Variants in SAR1B observed in about 807,000 individuals in gnomAD.
SAR1B encodes secretion associated Ras related GTPase 1B.
SAR1B carries 23 observed loss-of-function variants against 26.8 expected under a neutral mutation model. The observed-to-expected ratio is 0.86, with a 90% CI of 0.62 to 1.22. The LOEUF (loss-of-function observed/expected upper bound fraction) is 1.22, where lower values mean the gene tolerates loss of function less well. Ranked by LOEUF, SAR1B falls within the 50% of genes most tolerant of loss-of-function variation. The probability of loss-of-function intolerance (pLI) is 0.00; values close to 1 mark genes in which losing one functional copy is unlikely to be tolerated. For missense variants in SAR1B, 196 were observed against 232.8 expected (o/e 0.84, Z 1.03); for synonymous variants, 65 against 80.8 (o/e 0.80, Z 1.05).
rs984158457 is a variant in SAR1B, at chr5:134,609,642, T to C, written c.277A>G (p.Ile93Val). Residue 93 changes from isoleucine (I) to valine (V), a missense_variant, in exon 5 of 7, where the codon ATC becomes GTC. Physicochemically the swap from Ile to Val is conservative, Grantham distance 29. Transcript: ENST00000402673. ...TCCACCAGAAATACAATGCCATTGATAGCAGGAAGGTAGTTTTTCCACACT... is the reference window on the plus strand; with the variant it reads ...TCCACCAGAAATACAATGCCATTGACAGCAGGAAGGTAGTTTTTCCACACT... ...RRVWKNYLPA[I>V]NGIVFLVDCA... The C allele has an allele frequency of 6.8e-6, 11 of 1,614,044 alleles. No individual in the cohort carries two copies. Among genetic ancestry groups the C allele is most frequent in the African/African-American group, 1.3e-5 (1 of 74,942 alleles).
chr5:134,606,306 A>G lies in SAR1B; in HGVS notation c.*644T>C, dbSNP rs552283731. ...CCTTGAGAGCCTTAAACGCTATTCTAAATATTCTGAAGGAATCTCCTTTCC... is the reference window on the plus strand; with the variant it reads ...CCTTGAGAGCCTTAAACGCTATTCTGAATATTCTGAAGGAATCTCCTTTCC... On this transcript the variant is annotated 3_prime_UTR_variant, in exon 7 of 7. Coordinates refer to ENST00000402673, the MANE Select transcript of SAR1B (RefSeq NM_016103.4). The G allele has an allele frequency of 6.5e-6, 1 of 155,036 alleles. No homozygotes were observed. Among genetic ancestry groups the G allele is most frequent in the Admixed American group, 6.3e-5 (1 of 15,800 alleles). The allele number at this position is 155,036 out of a possible 1,614,324, so 9.6% of individuals were successfully genotyped here. A position where few individuals can be genotyped will look rare whatever the true frequency, so the allele number is the denominator to read the frequency against.
chr5:134,605,044 A>G lies in SAR1B; in HGVS notation c.*1906T>C, dbSNP rs998769164. 2.6e-5 allele frequency: 4 copies of G among 152,232 alleles called. No homozygotes were observed. Among genetic ancestry groups the G allele is most frequent in the African/African-American group, 9.6e-5 (4 of 41,474 alleles). 9.4% of individuals were successfully genotyped at this position (152,232 alleles called of 1,614,324 possible). On this transcript the variant is annotated 3_prime_UTR_variant, in exon 7 of 7. Transcript: ENST00000402673. ...GGGAGCACTTTTGTTTTCATTTAGA[A>G]AGAAGATGAAAGTGAAAACAGAATA...
intron 4 of SAR1B, among the ~76,000 whole-genome samples, chr5:134,612,186 A>G (rs1765225576): frequency 6.6e-6 from 1 of 152,162 alleles, no homozygotes; most frequent in African/African-American, 2.4e-5. Flanking sequence ...TGATTATGAC[A>G]GTGAGAGGTA....
intron 6 of SAR1B, among the ~76,000 whole-genome samples, chr5:134,607,857 A>G (rs1044840909): frequency 8.6e-5 from 13 of 152,016 alleles, no homozygotes; most frequent in African/African-American, 3.1e-4. Context: ...AAAATTTTGT[A>G]AATCTCTGGG....
In SAR1B at chr5:134,602,336, C is replaced by T. The variant is rs1223542370; in HGVS notation, c.*4614G>A. The T allele has an allele frequency of 6.6e-6, 1 of 152,110 alleles. No individual in the cohort carries two copies. The highest frequency in any genetic ancestry group is 2.4e-5 in the African/African-American group (1 of 41,422). The allele number at this position is 152,110 out of a possible 1,614,324, so 9.4% of individuals were successfully genotyped here. A position where few individuals can be genotyped will look rare whatever the true frequency, so the allele number is the denominator to read the frequency against. ...ACAAAAATTAATTGGTTCAGAACTG[C>T]CTCTTTAATAGACTCTGTGGCTTCC... is the stretch of plus-strand genomic sequence containing the variant. On this transcript the variant is annotated 3_prime_UTR_variant, in exon 7 of 7. Transcript: ENST00000402673.
intron 3 of SAR1B, among the ~76,000 whole-genome samples, chr5:134,615,659 T>C (rs537060003): frequency 3.3e-5 from 4 of 121,050 alleles, no homozygotes; most frequent in East Asian, 5.2e-4. Flanking sequence ...ACTAAAAAAA[T>C]ACAAAAAATT....
rs940792590 is a variant in SAR1B, at chr5:134,603,250, C to T, written c.*3700G>A. The T allele has an allele frequency of 3.3e-5, 5 of 152,160 alleles. No individual in the cohort carries two copies. The highest frequency in any genetic ancestry group is 2.6e-4 in the Admixed American group (4 of 15,272). 9.4% of individuals were successfully genotyped at this position (152,160 alleles called of 1,614,324 possible). On this transcript the variant is annotated 3_prime_UTR_variant, in exon 7 of 7. Coordinates refer to ENST00000402673, the MANE Select transcript of SAR1B (RefSeq NM_016103.4). ...TTGCAAACGTCAGTCATGTAAGTGA[C>T]TAACAAGACTGAAATACCACATTGA...
Position 134,607,061 on chromosome 5 carries a change from A to T in SAR1B, c.486T>A (p.Ser162Arg), listed in dbSNP as rs912820633. Residue 162 changes from serine (S) to arginine (R), a missense_variant, in exon 7 of 7, where the codon AGT becomes AGA. Ser to Arg is a moderately radical substitution (Grantham distance 110). Transcript: ENST00000402673. ...GLYGQTTGKG[S>R]ISLKELNARP... Reference sequence around the variant, plus strand: ...GGGCATTCAGTTCTTTCAGAGATATACTCCCCTAGAATAGAAGAGAGACAT... The same window carrying T: ...GGGCATTCAGTTCTTTCAGAGATATTCTCCCCTAGAATAGAAGAGAGACAT... 2.5e-6 allele frequency: 4 copies of T among 1,589,468 alleles called. No homozygotes were observed. The highest frequency in any genetic ancestry group is 3.5e-6 in the Non-Finnish European group (4 of 1,157,592).
chr5:134,610,837 T>C (rs1765200337), intron 4 of SAR1B, among the ~76,000 whole-genome samples: 1 of 152,002 alleles, frequency 6.6e-6, no homozygotes, highest in Non-Finnish European at 1.5e-5. Context: ...AGAGTAATTT[T>C]TTCCATAACA....
intron 6 of SAR1B, 100 bp from the exon 7 acceptor site, chr5:134,607,166 G>T: frequency 1.2e-6 from 1 of 843,094 alleles, no homozygotes; most frequent in Non-Finnish European, 2.0e-6. Context: ...AAGAATGGCT[G>T]TGATAAATCC....
chr5:134,611,365 G>C (rs1038544879), intron 4 of SAR1B, among the ~76,000 whole-genome samples: 1 of 152,008 alleles, frequency 6.6e-6, no homozygotes, highest in Non-Finnish European at 1.5e-5. Context: ...CCACCAATTC[G>C]GTAATATTGG....
chr5:134,604,474 T>C lies in SAR1B; in HGVS notation c.*2476A>G, dbSNP rs1304187321. ...TCTCTTGAAAAAGAGCAGTACCCAG[T>C]GCATATACTCTGGAGAGGTTCTCAA... On this transcript the variant is annotated 3_prime_UTR_variant, in exon 7 of 7. Transcript: ENST00000402673. 1.3e-5 allele frequency: 2 copies of C among 152,240 alleles called. No homozygotes were observed. The highest frequency in any genetic ancestry group is 4.8e-5 in the African/African-American group (2 of 41,462). The allele number at this position is 152,240 out of a possible 1,614,324, so 9.4% of individuals were successfully genotyped here.
At position 134,630,889 on chromosome 5, in the gene SAR1B, C is replaced by CTTTTTTTTTTTTTTTTTTTTTTTT. The variant is rs781218368; in HGVS notation, c.-19+1815_-19+1838dup. Among the ~76,000 whole-genome samples, 20 of 69,122 alleles carry CTTTTTTTTTTTTTTTTTTTTTTTT rather than the reference C, an allele frequency of 2.9e-4. 2 individuals are homozygous for CTTTTTTTTTTTTTTTTTTTTTTTT. The highest frequency in any genetic ancestry group is 4.3e-4 in the Non-Finnish European group (15 of 35,236). 45.3% of individuals were successfully genotyped at this position (69,122 alleles called of 152,430 possible). On this transcript the variant is annotated intron_variant, in intron 1 of 6. Coordinates refer to ENST00000402673, the MANE Select transcript of SAR1B (RefSeq NM_016103.4). ...TTTCCTTTTCTATTTCTTTTTTTTT[C>CTTTTTTTTTTTTTTTTTTTTTTTT]TTTTTTTTTTTTTTTTTTTTTTTTT...
At chr5:134,616,066 G>A (rs1377627537) in intron 3 of SAR1B, among the ~76,000 whole-genome samples, 1 of 150,486 alleles carries the variant, frequency 6.6e-6, no homozygotes, top group Admixed American at 6.6e-5. Context: ...GGCAGGCGGA[G>A]GTTGCAGTGA....
At chr5:134,630,806 G>A (rs1159438010) in intron 1 of SAR1B, among the ~76,000 whole-genome samples, 3 of 136,308 alleles carry the variant, frequency 2.2e-5, no homozygotes, top group Non-Finnish European at 4.7e-5. Context: ...AAAAAGAAAA[G>A]AAATACTAAT....
At chr5:134,620,134 G>A (rs1561787430) in intron 3 of SAR1B, among the ~76,000 whole-genome samples, 2 of 151,996 alleles carry the variant, frequency 1.3e-5, no homozygotes, top group South Asian at 2.1e-4. Context: ...GAGAAACCCC[G>A]TCTCTACCGA....
At position 134,632,811 on chromosome 5, in the gene SAR1B, GC is replaced by G. The variant is rs1765631709; in HGVS notation, c.-103del. On this transcript the variant is annotated 5_prime_UTR_variant, in exon 1 of 7. It removes the in-frame stop codon of an upstream open reading frame in the 5' UTR. Coordinates refer to ENST00000402673, the MANE Select transcript of SAR1B (RefSeq NM_016103.4). ...ACTGCAAAGCGCGATGGCTGCCGTG[GC>G]CCCAGTTCGCATCAGCCCCTTCCGG... 6.6e-6 allele frequency: 1 copy of G among 152,330 alleles called. No homozygotes were observed. 9.4% of individuals were successfully genotyped at this position (152,330 alleles called of 1,614,324 possible). A position where few individuals can be genotyped will look rare whatever the true frequency, so the allele number is the denominator to read the frequency against.
intron 3 of SAR1B, among the ~76,000 whole-genome samples, chr5:134,619,950 C>G (rs115567847): frequency 0.013 from 1,978 of 151,910 alleles, 37 homozygotes; most frequent in African/African-American, 0.045. Flanking sequence ...CACGGCACTC[C>G]AACCTACATG....
chr5:134,615,412 G>A (rs1373264556), intron 3 of SAR1B, among the ~76,000 whole-genome samples: 1 of 152,028 alleles, frequency 6.6e-6, no homozygotes, highest in Non-Finnish European at 1.5e-5. Context: ...CTACTCAGGA[G>A]GCTGAGGCAG....
Sources: gnomAD v4.1 joint callset for allele counts (sites outside exome capture counted in the v4.1 genomes callset) on GRCh38, gnomAD v4.1.1 for gene constraint, MANE v1.5 for transcripts, NCBI Gene and HGNC (gene_info 2026-07-23, HGNC 2026-07-21) for gene names.